Variants in NYAP2 observed in about 807,000 individuals in gnomAD.
NYAP2 encodes neuronal tyrosine-phosphorylated phosphoinositide-3-kinase adaptor 2, also known as neuronal tyrosine-phosphorylated phosphoinositide-3-kinase adapter 2.
NYAP2 carries 23 observed loss-of-function variants against 50.4 expected under a neutral mutation model. The ratio of observed to expected loss-of-function variants is 0.46; its 90% CI spans 0.33 to 0.65. The LOEUF is 0.65. NYAP2 is among the 30% of genes least tolerant of loss of function. The probability of loss-of-function intolerance (pLI) is 0.02; values close to 1 mark genes in which losing one functional copy is unlikely to be tolerated. For synonymous variants in NYAP2, 394 were observed against 365.2 expected (o/e 1.08, Z -0.90); for missense variants, 885 against 861.0 (o/e 1.03, Z -0.35).
At chr2:225,621,479 G>A (rs541250063) in intron 5 of NYAP2, among the ~76,000 whole-genome samples, 1 of 152,190 alleles carries the variant, frequency 6.6e-6, no homozygotes, top group African/African-American at 2.4e-5. Context: ...AAAGGGAGGA[G>A]GAAATGAGGA....
At chr2:225,592,502 GT>G (rs760425369) in intron 5 of NYAP2, among the ~76,000 whole-genome samples, 24 of 152,248 alleles carry the variant, frequency 1.6e-4, no homozygotes, top group East Asian at 3.9e-4. Flanking sequence ...CATCCTTAAA[GT>G]TTTTTAAAAA....
At chr2:225,659,570 C>A in the NYAP2 span, among the ~76,000 whole-genome samples, 3 of 152,138 alleles carry the variant, frequency 2.0e-5, no homozygotes, top group South Asian at 6.2e-4. Context: ...ATTAACCACT[C>A]AAAAACCTGA....
chr2:225,656,359 A>T (rs1308329417), downstream of NYAP2, among the ~76,000 whole-genome samples: 1 of 152,164 alleles, frequency 6.6e-6, no homozygotes, highest in Non-Finnish European at 1.5e-5. Flanking sequence ...TATCCAGGCT[A>T]CTAAGCCCCG....
the NYAP2 span, among the ~76,000 whole-genome samples, chr2:225,680,350 TC>T: frequency 6.6e-6 from 1 of 152,118 alleles, no homozygotes; most frequent in Non-Finnish European, 1.5e-5. Flanking sequence ...TGTAGTTGAT[TC>T]TGCTTACACA....
chr2:225,499,661 T>C (rs1031809883), intron 3 of NYAP2, among the ~76,000 whole-genome samples: 6 of 152,112 alleles, frequency 3.9e-5, no homozygotes, highest in Non-Finnish European at 5.9e-5. Context: ...GTACAACAGA[T>C]ACACAAAGAA....
intron 3 of NYAP2, among the ~76,000 whole-genome samples, chr2:225,462,926 C>G (rs931702568): frequency 3.9e-5 from 6 of 152,188 alleles, no homozygotes; most frequent in Admixed American, 3.9e-4. Flanking sequence ...TTGTGATTAT[C>G]TGGTGTCTAT....
chr2:225,699,355 T>C, the NYAP2 span: 2 of 151,920 alleles, frequency 1.3e-5, no homozygotes, highest in Non-Finnish European at 2.9e-5. Context: ...ATTGATCTGA[T>C]TGGAGGAGAC....
chr2:225,560,116 T>C (rs1691846293), intron 4 of NYAP2, among the ~76,000 whole-genome samples: 1 of 152,030 alleles, frequency 6.6e-6, no homozygotes, highest in Admixed American at 6.6e-5. Context: ...TTCCAAGTCA[T>C]AGACAAATTT....
chr2:225,538,045 G>A (rs921783976), intron 4 of NYAP2, among the ~76,000 whole-genome samples: 6 of 152,184 alleles, frequency 3.9e-5, no homozygotes, highest in African/African-American at 1.4e-4. Context: ...GATGCAAGAG[G>A]TGGGTTCCCA....
intron 4 of NYAP2, among the ~76,000 whole-genome samples, chr2:225,558,507 A>T (rs1262745122): frequency 6.6e-6 from 1 of 152,126 alleles, no homozygotes; most frequent in Non-Finnish European, 1.5e-5. Flanking sequence ...CTCATGTCGC[A>T]TCTTGCTCAC....
rs146532829 is a variant in NYAP2 at position 225,477,542 on chromosome 2, C to T, written c.222-35829C>T. Among the ~76,000 whole-genome samples, 361 of 152,028 alleles carry T rather than the reference C, an allele frequency of 2.4e-3. 3 individuals carry two copies. Among genetic ancestry groups the T allele is most frequent in the African/African-American group, 8.2e-3 (341 of 41,494 alleles). Reference sequence around the variant, plus strand: ...TGAGCCACCGTGCCCGGCCGAGAGTCTCTATTTCTAACAAGTTCACAGATC... The same window carrying T: ...TGAGCCACCGTGCCCGGCCGAGAGTTTCTATTTCTAACAAGTTCACAGATC... On this transcript the variant is annotated intron_variant, in intron 3 of 6. Coordinates refer to ENST00000636099, the Ensembl canonical transcript of NYAP2.
intron 5 of NYAP2, among the ~76,000 whole-genome samples, chr2:225,587,498 G>A (rs1692409213): frequency 6.6e-6 from 1 of 152,138 alleles, no homozygotes; most frequent in Non-Finnish European, 1.5e-5. Context: ...CGCACAGAAA[G>A]GGATTAGTCT....
chr2:225,621,678 A>G (rs977440487), intron 5 of NYAP2, among the ~76,000 whole-genome samples: 3 of 151,880 alleles, frequency 2.0e-5, no homozygotes, highest in Non-Finnish European at 4.4e-5. Flanking sequence ...TAGTACTTTT[A>G]TATTGTGGTA....
chr2:225,538,779 TTTC>T (rs1691397664), intron 4 of NYAP2, among the ~76,000 whole-genome samples: 1 of 3,528 alleles, frequency 2.8e-4, no homozygotes, highest in African/African-American at 1.3e-3. Context: ...TTTCTTTTCT[TTTC>T]TTTCTTTCTT....
intron 3 of NYAP2, among the ~76,000 whole-genome samples, chr2:225,487,921 T>C (rs963670887): frequency 6.6e-6 from 1 of 152,250 alleles, no homozygotes; most frequent in Admixed American, 6.5e-5. Flanking sequence ...CTATGTATGA[T>C]GGCACATCTG....
intron 5 of NYAP2, among the ~76,000 whole-genome samples, chr2:225,594,138 C>T (rs1246331812): frequency 2.0e-5 from 3 of 152,158 alleles, no homozygotes; most frequent in South Asian, 2.1e-4. Flanking sequence ...AAGAAAGATA[C>T]CTTTTTCAAA....
intron 4 of NYAP2, among the ~76,000 whole-genome samples, chr2:225,552,509 C>G (rs73089037): frequency 0.027 from 4,172 of 152,136 alleles, 181 homozygotes; most frequent in African/African-American, 0.093. Context: ...GGATAGAGCT[C>G]TCATAAATCA....
intron 3 of NYAP2, among the ~76,000 whole-genome samples, chr2:225,481,873 C>T (rs1277351266): frequency 6.6e-6 from 1 of 152,014 alleles, no homozygotes; most frequent in African/African-American, 2.4e-5. Flanking sequence ...AATGAGGAGG[C>T]AAACCCAAGG....
chr2:225,654,018 CA>C (rs1202785934), downstream of NYAP2: 3,456 of 82,044 alleles, frequency 0.042, 123 homozygotes, highest in African/African-American at 0.13. Flanking sequence ...GACTCCATCT[CA>C]AAAAAAAAAA....
Sources: allele counts gnomAD v4.1 joint callset (sites outside exome capture counted in the v4.1 genomes callset), GRCh38; gene constraint gnomAD v4.1.1; transcripts MANE v1.5; gene names NCBI Gene and HGNC (gene_info 2026-07-23, HGNC 2026-07-21).